Variants in PTCD2 observed in about 807,000 individuals in gnomAD.
PTCD2 encodes the protein pentatricopeptide repeat-containing protein 2, mitochondrial.
Under a neutral mutation model 42.6 loss-of-function variants are expected in PTCD2, and 31 were observed. The observed-to-expected ratio is 0.73, with a 90% CI of 0.55 to 0.98. The LOEUF is 0.98. Ranked by LOEUF, PTCD2 falls within the 50% of genes least tolerant of loss-of-function variation. The pLI is 0.00. For synonymous variants in PTCD2, 183 were observed against 170.9 expected, an observed-to-expected ratio of 1.07 and a Z score of -0.55; for missense variants, 476 against 454.8, an observed-to-expected ratio of 1.05 and a Z score of -0.42.
At chr5:72,341,693 A>C (rs772689638) in intron 7 of PTCD2, among the ~76,000 whole-genome samples, 1 of 152,106 alleles carries the variant, frequency 6.6e-6, no homozygotes, top group Non-Finnish European at 1.5e-5. Flanking sequence ...GCAGTGAGCC[A>C]TGATTCCACC....
At chr5:72,353,528 T>G (rs1189122663) in intron 9 of PTCD2, among the ~76,000 whole-genome samples, 5 of 152,144 alleles carry the variant, frequency 3.3e-5, no homozygotes, top group Non-Finnish European at 7.3e-5. Context: ...TAAAGGTTAG[T>G]TGAAAGAACA....
At chr5:72,355,298 G>A (rs1752819608) in intron 9 of PTCD2, among the ~76,000 whole-genome samples, 2 of 152,096 alleles carry the variant, frequency 1.3e-5, no homozygotes, top group South Asian at 4.1e-4. Flanking sequence ...GTAGATGATG[G>A]ATAGTTTTGT....
At chr5:72,326,525 G>C in intron 2 of PTCD2, 87 bp from the exon 3 acceptor site, 1 of 1,457,930 alleles carries the variant, frequency 6.9e-7, no homozygotes, top group Non-Finnish European at 9.5e-7. Flanking sequence ...AGTGAGCCGG[G>C]GTTGGGCTTC....
chr5:72,334,265 G>A (rs759583000), intron 4 of PTCD2, among the ~76,000 whole-genome samples: 2 of 152,180 alleles, frequency 1.3e-5, no homozygotes, highest in East Asian at 1.9e-4. Context: ...TTCAAAAGGC[G>A]AATAATCAAT....
chr5:72,341,051 G>A (rs961182634), intron 7 of PTCD2, among the ~76,000 whole-genome samples: 4 of 150,184 alleles, frequency 2.7e-5, no homozygotes, highest in Non-Finnish European at 5.9e-5. Context: ...TGCAACCTCC[G>A]CCTCCTGGGT....
At position 72,358,445 on chromosome 5, in the gene PTCD2, C is replaced by G. The variant is rs1229564729; in HGVS notation, c.*18C>G. 6 of 1,583,400 alleles carry G rather than the reference C, an allele frequency of 3.8e-6. No individual in the cohort carries two copies. The highest frequency in any genetic ancestry group is 5.2e-6 in the Non-Finnish European group (6 of 1,154,308). ...CTGAGTAACCCTGGTTTCAGTCCACCTATGGATCTGAGGGGCCTGCTTCTA... is the reference window on the plus strand; with the variant it reads ...CTGAGTAACCCTGGTTTCAGTCCACGTATGGATCTGAGGGGCCTGCTTCTA... On this transcript the variant is annotated 3_prime_UTR_variant, in exon 10 of 10. Coordinates refer to ENST00000380639, the MANE Select transcript of PTCD2 (RefSeq NM_024754.5).
intron 2 of PTCD2, among the ~76,000 whole-genome samples, chr5:72,326,244 A>G (rs990793598): frequency 6.6e-6 from 1 of 152,142 alleles, no homozygotes; most frequent in African/African-American, 2.4e-5. Context: ...TCTTTTTCTC[A>G]TGAGTCACCT....
rs1753062644 is a variant in PTCD2, at chr5:72,360,265, G to A, written c.*1838G>A. ...CCACTTTCAGTCTTAGGGAATAATA[G>A]GGCATGCTTCCTGTCCCCCCAGCTT... On this transcript the variant is annotated 3_prime_UTR_variant, in exon 10 of 10. Transcript: ENST00000380639. 6.6e-6 allele frequency: 1 copy of A among 151,558 alleles called. No individual in the cohort carries two copies. Among genetic ancestry groups the A allele is most frequent in the Admixed American group, 6.6e-5 (1 of 15,210 alleles). The allele number at this position is 151,558 out of a possible 1,614,324, so 9.4% of individuals were successfully genotyped here.
At chr5:72,358,169 A>G in intron 9 of PTCD2, 34 bp from the exon 10 acceptor site, 1 of 1,527,912 alleles carries the variant, frequency 6.5e-7, no homozygotes, top group Non-Finnish European at 9.0e-7. Context: ...GAAATCTTGC[A>G]GAGATGTAAT....
chr5:72,329,151 T>A lies in PTCD2; in HGVS notation c.351-2107T>A, dbSNP rs1370235190. Among the ~76,000 whole-genome samples the A allele has an allele frequency of 5.3e-5, 8 of 152,362 alleles. No homozygotes were observed. The East Asian group carries it at 1.5e-3, about 29-fold the overall frequency. On this transcript the variant is annotated intron_variant, in intron 3 of 9. Coordinates refer to ENST00000380639, the MANE Select transcript of PTCD2 (RefSeq NM_024754.5). ...AACACTCTTTCTACTCTTATTTTTA[T>A]CATAAATATTCAAAGTATGACTTAG...
chr5:72,331,249 C>G lies in PTCD2; in HGVS notation c.351-9C>G. On this transcript the variant is annotated splice_polypyrimidine_tract_variant and intron_variant, in intron 3 of 9. Transcript: ENST00000380639. The stretch of plus-strand genomic sequence containing the variant: ...ACCTTTTGGCTCATTGAATCATTTT[C>G]ATTACCAGGTACCATGCAGAGAACA... The G allele has an allele frequency of 6.4e-7, 1 of 1,570,832 alleles. No homozygotes were observed. Among genetic ancestry groups the G allele is most frequent in the Non-Finnish European group, 8.8e-7 (1 of 1,140,650 alleles).
chr5:72,329,389 C>A (rs954763548), intron 3 of PTCD2, among the ~76,000 whole-genome samples: 2 of 152,190 alleles, frequency 1.3e-5, no homozygotes, highest in Non-Finnish European at 2.9e-5. Context: ...CATCTTAATA[C>A]CCTCGTTATG....
At position 72,363,249 on chromosome 5, in the gene PTCD2, C is replaced by G. The variant is rs912739409; in HGVS notation, c.*4822C>G. On this transcript the variant is annotated 3_prime_UTR_variant, in exon 10 of 10. Coordinates refer to ENST00000380639, the MANE Select transcript of PTCD2 (RefSeq NM_024754.5). The stretch of plus-strand genomic sequence containing the variant: ...CCAAGATGACAGCTGAACAGGCTCT[C>G]ATCTTAAACCTGAACAGGCATCAGA... 3 of 152,220 alleles carry G rather than the reference C, an allele frequency of 2.0e-5. No homozygotes were observed. Among genetic ancestry groups the G allele is most frequent in the African/African-American group, 7.2e-5 (3 of 41,456 alleles). The allele number at this position is 152,220 out of a possible 1,614,324, so 9.4% of individuals were successfully genotyped here.
intron 4 of PTCD2, among the ~76,000 whole-genome samples, chr5:72,333,285 C>A (rs1004512735): frequency 6.6e-6 from 1 of 152,226 alleles, no homozygotes; most frequent in Non-Finnish European, 1.5e-5. Context: ...CTTGACCTCA[C>A]TGAGGTCTCT....
intron 9 of PTCD2, among the ~76,000 whole-genome samples, chr5:72,354,589 T>C (rs1752786154): frequency 1.3e-5 from 2 of 152,062 alleles, no homozygotes; most frequent in African/African-American, 4.8e-5. Flanking sequence ...TGAATAGAAA[T>C]CTGCAAGTTT....
intron 8 of PTCD2, among the ~76,000 whole-genome samples, chr5:72,343,327 A>C (rs1752171268): frequency 6.6e-6 from 1 of 152,212 alleles, no homozygotes; most frequent in Admixed American, 6.5e-5. Context: ...CGTGGCTAAG[A>C]AAGCTGTAGA....
At chr5:72,330,090 G>T (rs1282036253) in intron 3 of PTCD2, among the ~76,000 whole-genome samples, 1 of 151,110 alleles carries the variant, frequency 6.6e-6, no homozygotes, top group Non-Finnish European at 1.5e-5. Context: ...CCGCCACCAC[G>T]CCCGGCTAAT....
At chr5:72,321,178 C>T (rs529391991) in intron 1 of PTCD2, 1 of 152,362 alleles carries the variant, frequency 6.6e-6, no homozygotes, top group South Asian at 2.1e-4. Flanking sequence ...AAAGACTTAA[C>T]GGCACGTTTC....
chr5:72,320,869 G>T, intron 1 of PTCD2: 1 of 218,360 alleles, frequency 4.6e-6, no homozygotes, highest in South Asian at 6.0e-5. Context: ...GCGGTGGCGC[G>T]ATCTCGGCTC....
Sources: gnomAD v4.1 joint callset for allele counts (sites outside exome capture counted in the v4.1 genomes callset) on GRCh38, gnomAD v4.1.1 for gene constraint, MANE v1.5 for transcripts, NCBI Gene and HGNC (gene_info 2026-07-23, HGNC 2026-07-21) for gene names.